CAPN13: variants seen among roughly 807,000 people sequenced by gnomAD.
CAPN13 encodes calpain-13.
In CAPN13, 90 loss-of-function variants were observed where a neutral mutation model predicts 98.4. That is an observed-to-expected ratio of 0.92 (90% CI 0.77 to 1.09). CAPN13 has a LOEUF of 1.09. CAPN13 is among the 50% of genes least tolerant of loss of function. CAPN13 has a pLI of 0.00. For missense variants in CAPN13, 887 were observed against 841.3 expected (o/e 1.05, Z -0.67); for synonymous variants, 330 against 305.5 (o/e 1.08, Z -0.84).
intron 22 of CAPN13, among the ~76,000 whole-genome samples, chr2:30,728,525 G>C (rs1484655571): frequency 6.6e-6 from 1 of 152,096 alleles, no homozygotes; most frequent in African/African-American, 2.4e-5. Context: ...AAGGCTTCAG[G>C]CTGGGAAAAG....
intron 7 of CAPN13, among the ~76,000 whole-genome samples, chr2:30,758,992 C>CCCCT (rs1020664873): frequency 2.3e-5 from 3 of 131,538 alleles, no homozygotes; most frequent in African/African-American, 8.8e-5. Flanking sequence ...TCCCCCCTTG[C>CCCCT]CCCTATCCTT....
At chr2:30,785,896 A>T (rs1214333129) in intron 2 of CAPN13, among the ~76,000 whole-genome samples, 1 of 145,856 alleles carries the variant, frequency 6.9e-6, no homozygotes, top group Non-Finnish European at 1.5e-5. Flanking sequence ...ATTGTTGAGG[A>T]CTTACTGCCA....
intron 11 of CAPN13, among the ~76,000 whole-genome samples, chr2:30,749,880 A>T (rs1470376746): frequency 6.6e-6 from 1 of 152,184 alleles, no homozygotes; most frequent in Non-Finnish European, 1.5e-5. Context: ...GAGTAGAGAG[A>T]TCAGATTTTC....
chr2:30,761,805 C>A (rs6548031), intron 7 of CAPN13, among the ~76,000 whole-genome samples: 30,625 of 152,072 alleles, frequency 0.2, 8,218 homozygotes, highest in African/African-American at 0.62. Flanking sequence ...ACCGATCAAA[C>A]CATGAAACAA....
At chr2:30,806,784 T>C (rs1194243143) in intron 1 of CAPN13, among the ~76,000 whole-genome samples, 1 of 152,240 alleles carries the variant, frequency 6.6e-6, no homozygotes, top group African/African-American at 2.4e-5. Context: ...TAATGATCTG[T>C]CTTTTGTGAT....
At position 30,734,500 on chromosome 2, in the gene CAPN13, T is replaced by A; in HGVS notation, c.1747A>T (p.Ser583Cys). ...TCCGAGCTCAGGAGGACTCCAGGGC[T>A]TGTCTGAACCTTCTGGAAAACATGC... ...YQHVFQKVQT[S>C]PGVLLSSDLW... is the part of the protein sequence containing the mutation. Residue 583 changes from serine (S) to cysteine (C), a missense_variant, in exon 19 of 23, where the codon AGC (serine) becomes TGC (cysteine). Physicochemically the swap from Ser to Cys is moderately radical, Grantham distance 112. Coordinates refer to ENST00000295055, the MANE Select transcript of CAPN13 (RefSeq NM_144575.3). 6.2e-7 allele frequency: 1 copy of A among 1,613,914 alleles called. No individual in the cohort carries two copies. The highest frequency in any genetic ancestry group is 8.5e-7 in the Non-Finnish European group (1 of 1,179,824).
intron 1 of CAPN13, among the ~76,000 whole-genome samples, chr2:30,806,523 C>A (rs76797840): frequency 0.026 from 3,907 of 152,242 alleles, 106 homozygotes; most frequent in East Asian, 0.09. Flanking sequence ...TCGGGGGTAA[C>A]CAAAGTTGTG....
chr2:30,793,711 T>G lies in CAPN13; in HGVS notation c.-32-6354A>C, dbSNP rs1389732794. On this transcript the variant is annotated intron_variant, in intron 1 of 22. Coordinates refer to ENST00000295055, the MANE Select transcript of CAPN13 (RefSeq NM_144575.3). ...TTCAATACATATTATAAAGCTACTG[T>G]ACTGGCAAAAATATAGACAAATAGA... Among the ~76,000 whole-genome samples, 8 of 151,998 alleles carry G rather than the reference T, an allele frequency of 5.3e-5. No homozygotes were observed. The East Asian group carries it at 1.3e-3, about 26-fold the overall frequency.
intron 22 of CAPN13, among the ~76,000 whole-genome samples, chr2:30,729,314 G>C (rs1481950172): frequency 6.6e-6 from 1 of 152,180 alleles, no homozygotes; most frequent in East Asian, 1.9e-4. Context: ...ATTAGTGAAA[G>C]AAACTGAAGT....
At chr2:30,725,558 G>A (rs1355649237) in intron 22 of CAPN13, among the ~76,000 whole-genome samples, 15 of 152,212 alleles carry the variant, frequency 9.9e-5, no homozygotes, top group Non-Finnish European at 1.5e-5. Flanking sequence ...ACTGGTGATG[G>A]AGCTCCAATA....
rs1374576 is a variant in CAPN13, at chr2:30,763,116, C to T, written c.740G>A (p.Ser247Asn). The change falls in exon 7 of 23, where the codon AGT (serine) becomes AAT (asparagine). Residue 247 changes from serine (S) to asparagine (N), a missense_variant. Transcript: ENST00000295055. ...CCCAGTCACAGTGTAGGCATGGAGA[C>T]TCACCAGCCCATTCTCCATCGCCTG... ...TAQAMENGLV[S>N]LHAYTVTGAE... is the part of the protein sequence containing the mutation. The T allele has an allele frequency of 6.2e-7, 1 of 1,611,536 alleles. No homozygotes were observed. Among genetic ancestry groups the T allele is most frequent in the Non-Finnish European group, 8.5e-7 (1 of 1,178,978 alleles).
intron 5 of CAPN13, among the ~76,000 whole-genome samples, chr2:30,766,467 C>T (rs1210232077): frequency 6.6e-6 from 1 of 152,252 alleles, no homozygotes; most frequent in Non-Finnish European, 1.5e-5. Flanking sequence ...AGCTATCTTT[C>T]TGCTTTCTAA....
chr2:30,776,882 TG>T (rs774601089), intron 3 of CAPN13, among the ~76,000 whole-genome samples: 1 of 152,184 alleles, frequency 6.6e-6, no homozygotes, highest in Non-Finnish European at 1.5e-5. Flanking sequence ...GGGGAACCCT[TG>T]GCTGGTGGCC....
intron 1 of CAPN13, among the ~76,000 whole-genome samples, chr2:30,800,468 G>C (rs1403464717): frequency 6.6e-6 from 1 of 152,188 alleles, no homozygotes; most frequent in Non-Finnish European, 1.5e-5. Flanking sequence ...GGAGACCCTG[G>C]GGGTAACCAA....
intron 17 of CAPN13, chr2:30,738,029 A>T (rs1481959202): frequency 1.6e-6 from 1 of 625,562 alleles, no homozygotes; most frequent in African/African-American, 1.8e-5. Context: ...ATCAGCACAT[A>T]GTAGGTGCTT....
At chr2:30,745,841 C>A in intron 11 of CAPN13, 107 bp from the exon 12 acceptor site, 1 of 805,146 alleles carries the variant, frequency 1.2e-6, no homozygotes, top group Non-Finnish European at 1.9e-6. Flanking sequence ...ATTCCTTCTC[C>A]TTTTCTTCCT....
At chr2:30,753,687 C>G (rs958004646) in intron 9 of CAPN13, among the ~76,000 whole-genome samples, 4 of 152,332 alleles carry the variant, frequency 2.6e-5, no homozygotes, top group African/African-American at 9.6e-5. Context: ...ATTTGTCCCT[C>G]TGATTCTTAA....
chr2:30,774,164 T>C (rs769801170), intron 4 of CAPN13, among the ~76,000 whole-genome samples: 26 of 152,168 alleles, frequency 1.7e-4, no homozygotes, highest in Non-Finnish European at 2.5e-4. Context: ...AGACTTTTTA[T>C]ATCAAAACCT....
intron 7 of CAPN13, among the ~76,000 whole-genome samples, chr2:30,760,544 G>A (rs1672796558): frequency 6.6e-6 from 1 of 152,210 alleles, no homozygotes; most frequent in Non-Finnish European, 1.5e-5. Flanking sequence ...CGCCGACTGA[G>A]CTAGGTGCAT....
Sources: gnomAD v4.1 joint callset for allele counts (sites outside exome capture counted in the v4.1 genomes callset) on GRCh38, gnomAD v4.1.1 for gene constraint, MANE v1.5 for transcripts, NCBI Gene and HGNC (gene_info 2026-07-23, HGNC 2026-07-21) for gene names.